Variants in MAN1C1 observed in about 807,000 individuals in gnomAD.
The protein encoded by MAN1C1 is mannosidase alpha class 1C member 1.
In MAN1C1, 49 loss-of-function variants were observed where a neutral mutation model predicts 71.5. The observed-to-expected ratio is 0.69, with a 90% CI of 0.54 to 0.87. The LOEUF (loss-of-function observed/expected upper bound fraction) is 0.87. Among genes scored for constraint, MAN1C1 ranks in the 40% least tolerant of loss-of-function variants. MAN1C1 has a pLI of 0.00. For synonymous variants in MAN1C1, 352 were observed against 343.7 expected, an observed-to-expected ratio of 1.02 and a Z score of -0.27; for missense variants, 743 against 835.0, an observed-to-expected ratio of 0.89 and a Z score of 1.36.
Position 25,734,776 on chromosome 1 carries a change from C to T in MAN1C1, c.638-11892C>T, listed in dbSNP as rs549558349. 1.3e-5 allele frequency among the ~76,000 whole-genome samples: 2 copies of T among 152,322 alleles called. 1 individual carries two copies. The highest frequency in any genetic ancestry group is 4.1e-4 in the South Asian group (2 of 4,826). On this transcript the variant is annotated intron_variant, in intron 2 of 11. Transcript: ENST00000374332. ...AGGGTCTGTGTAGGCTTAAATCAAC[C>T]AGGCTTAGATCTAGCCATGAAGACA... is the stretch of plus-strand genomic sequence containing the variant.
chr1:25,630,270 A>G (rs1216520655), intron 1 of MAN1C1, among the ~76,000 whole-genome samples: 1 of 152,168 alleles, frequency 6.6e-6, no homozygotes, highest in Non-Finnish European at 1.5e-5. Flanking sequence ...GCCTACTTTT[A>G]TATCAGTACC....
At chr1:25,733,301 C>T (rs756997603) in intron 2 of MAN1C1, among the ~76,000 whole-genome samples, 4 of 152,164 alleles carry the variant, frequency 2.6e-5, no homozygotes, top group Non-Finnish European at 5.9e-5. Flanking sequence ...CATACAGCAG[C>T]CAGTCAGATC....
intron 1 of MAN1C1, among the ~76,000 whole-genome samples, chr1:25,640,258 G>A (rs1260412762): frequency 8.5e-5 from 13 of 152,096 alleles, no homozygotes; most frequent in Admixed American, 8.5e-4. Context: ...ATTTGGGATG[G>A]GTGAAGGTGT....
intron 1 of MAN1C1, among the ~76,000 whole-genome samples, chr1:25,660,652 C>G (rs1381929263): frequency 6.6e-6 from 1 of 151,712 alleles, no homozygotes; most frequent in African/African-American, 2.4e-5. Flanking sequence ...CTCGGCCTCC[C>G]AAAAGTGCTG....
At chr1:25,651,298 G>A (rs1416205294) in intron 1 of MAN1C1, among the ~76,000 whole-genome samples, 2 of 152,262 alleles carry the variant, frequency 1.3e-5, no homozygotes, top group Non-Finnish European at 2.9e-5. Flanking sequence ...ACTTCCCTGA[G>A]TGACAGGCAG....
Position 25,779,146 on chromosome 1 carries a change from C to T in MAN1C1, c.1477+822C>T, listed in dbSNP as rs1323848017. 3.3e-5 allele frequency among the ~76,000 whole-genome samples: 5 copies of T among 152,104 alleles called. No individual in the cohort carries two copies. The highest frequency in any genetic ancestry group is 4.8e-5 in the African/African-American group (2 of 41,424). ...TAATCCCAGTGTTGGTTGGAGGGGA[C>T]GACCCAAGATTTGCAGTAAAAATCC... On this transcript the variant is annotated intron_variant, in intron 9 of 11. Coordinates refer to ENST00000374332, the MANE Select transcript of MAN1C1 (RefSeq NM_020379.4). The surrounding 1 kb of genome is among the most constrained non-coding windows in gnomAD (Gnocchi z 4.6).
intron 2 of MAN1C1, among the ~76,000 whole-genome samples, chr1:25,718,711 T>C (rs1158615806): frequency 6.6e-6 from 1 of 152,226 alleles, no homozygotes; most frequent in Non-Finnish European, 1.5e-5. Context: ...CTGACTTCTT[T>C]CACTGAGCAT....
chr1:25,745,679 A>G (rs2047119072), intron 2 of MAN1C1, among the ~76,000 whole-genome samples: 1 of 152,192 alleles, frequency 6.6e-6, no homozygotes, highest in Admixed American at 6.5e-5. Context: ...AATCTTGAAG[A>G]GACAGAGGAT....
At chr1:25,669,885 T>G (rs1048999825) in intron 1 of MAN1C1, among the ~76,000 whole-genome samples, 1 of 152,242 alleles carries the variant, frequency 6.6e-6, no homozygotes, top group Non-Finnish European at 1.5e-5. Flanking sequence ...CCCATGAATG[T>G]TGGTAGTTCT....
intron 1 of MAN1C1, among the ~76,000 whole-genome samples, chr1:25,673,275 CGA>C (rs886553781): frequency 6.6e-6 from 1 of 152,066 alleles, no homozygotes; most frequent in Non-Finnish European, 1.5e-5. Context: ...GGTGCTGTGC[CGA>C]GGGCCTTGGC....
At chr1:25,698,786 C>T (rs955717195) in intron 2 of MAN1C1, among the ~76,000 whole-genome samples, 2 of 151,036 alleles carry the variant, frequency 1.3e-5, no homozygotes, top group Admixed American at 6.6e-5. Flanking sequence ...CCCGTCTCTA[C>T]TAAAAATACA....
intron 1 of MAN1C1, among the ~76,000 whole-genome samples, chr1:25,618,657 T>C (rs1167942989): frequency 6.6e-6 from 1 of 152,036 alleles, no homozygotes; most frequent in African/African-American, 2.4e-5. Flanking sequence ...GCTCCACTCC[T>C]TCCCTTTGTG....
chr1:25,783,458 A>G (rs1292733858), intron 11 of MAN1C1, among the ~76,000 whole-genome samples: 1 of 152,086 alleles, frequency 6.6e-6, no homozygotes, highest in African/African-American at 2.4e-5. Context: ...TCTGACCCCA[A>G]AGCTCAAGGC....
intron 1 of MAN1C1, among the ~76,000 whole-genome samples, chr1:25,628,566 C>T (rs564978707): frequency 1.3e-5 from 2 of 152,266 alleles, no homozygotes; most frequent in African/African-American, 4.8e-5. Context: ...CCCCTGCCTC[C>T]CAAAGTGCTG....
chr1:25,635,201 A>C (rs1341586023), intron 1 of MAN1C1, among the ~76,000 whole-genome samples: 1 of 152,108 alleles, frequency 6.6e-6, no homozygotes, highest in African/African-American at 2.4e-5. Flanking sequence ...TCTGTGGGAC[A>C]CTAATGTTTT....
chr1:25,684,832 G>A (rs2046206807), intron 1 of MAN1C1, among the ~76,000 whole-genome samples: 2 of 152,238 alleles, frequency 1.3e-5, no homozygotes, highest in Admixed American at 1.3e-4. Context: ...CTGGGCGTGA[G>A]GTGAGTGATA....
intron 5 of MAN1C1, among the ~76,000 whole-genome samples, chr1:25,757,571 G>A (rs1426786244): frequency 6.6e-6 from 1 of 152,022 alleles, no homozygotes; most frequent in Non-Finnish European, 1.5e-5. Context: ...TCCCACAAAA[G>A]CCCAGGAAGG....
intron 7 of MAN1C1, among the ~76,000 whole-genome samples, chr1:25,767,074 T>C (rs983584335): frequency 1.3e-5 from 2 of 151,862 alleles, no homozygotes; most frequent in Non-Finnish European, 1.5e-5. Context: ...CCTGAGCTAA[T>C]GCAGAACAAT....
At chr1:25,656,416 A>T (rs538692895) in intron 1 of MAN1C1, among the ~76,000 whole-genome samples, 75 of 152,166 alleles carry the variant, frequency 4.9e-4, no homozygotes, top group South Asian at 1.0e-3. Context: ...ACTTTTAAAG[A>T]CGTCGTTTCA....
Sources: gnomAD v4.1 joint callset for allele counts (sites outside exome capture counted in the v4.1 genomes callset) on GRCh38, gnomAD v4.1.1 for gene constraint, Gnocchi (gnomAD v3.1) non-coding constraint, MANE v1.5 for transcripts, NCBI Gene and HGNC (gene_info 2026-07-23, HGNC 2026-07-21) for gene names.